ADGRL3: variants seen among roughly 807,000 people sequenced by gnomAD.
ADGRL3 encodes the protein adhesion G protein-coupled receptor L3.
A neutral mutation model predicts 153.5 loss-of-function variants in ADGRL3; 62 were observed. The ratio of observed to expected loss-of-function variants is 0.40; its 90% confidence interval spans 0.33 to 0.50. ADGRL3 has a LOEUF of 0.50. Ranked by LOEUF, ADGRL3 falls within the 20% of genes least tolerant of loss-of-function variation. The pLI is 0.47. For missense variants in ADGRL3, 1,641 were observed against 1,859.4 expected, an observed-to-expected ratio of 0.88 and a Z score of 2.16; for synonymous variants, 710 against 672.5, an observed-to-expected ratio of 1.06 and a Z score of -0.86.
chr4:61,690,435 AT>A (rs199860912), intron 6 of ADGRL3, among the ~76,000 whole-genome samples: 159 of 146,866 alleles, frequency 1.1e-3, no homozygotes, highest in South Asian at 2.1e-3. Context: ...ACCCTGTCTC[AT>A]TTTTTTTTTT....
chr4:61,470,846 C>T (rs533046435), intron 2 of ADGRL3, among the ~76,000 whole-genome samples: 11 of 151,538 alleles, frequency 7.3e-5, no homozygotes, highest in South Asian at 6.2e-4. Flanking sequence ...ATTTACCACC[C>T]GAAGGAATTT....
intron 2 of ADGRL3, among the ~76,000 whole-genome samples, chr4:61,411,676 G>A (rs1424402153): frequency 6.6e-6 from 1 of 151,876 alleles, no homozygotes; most frequent in Admixed American, 6.6e-5. Flanking sequence ...AAAATTACCA[G>A]TTCTCTTAAC....
At chr4:61,913,493 T>C (rs916848631) in intron 13 of ADGRL3, among the ~76,000 whole-genome samples, 2 of 152,146 alleles carry the variant, frequency 1.3e-5, no homozygotes, top group African/African-American at 2.4e-5. Flanking sequence ...TGTATACATT[T>C]CACAGCATTT....
chr4:61,775,886 T>TA (rs1394101868), intron 8 of ADGRL3: 4 of 237,632 alleles, frequency 1.7e-5, no homozygotes, highest in African/African-American at 7.3e-5. Flanking sequence ...ATCTTGTTTT[T>TA]ATTTATTTAT....
rs187721202 is a variant in ADGRL3, at chr4:61,408,975, G to C, written c.-174+25786G>C. ...GGCTTTAAAGTTTTATGCAGTCTCT[G>C]CATTAATTTTGTATTCCTGACCCTT... On this transcript the variant is annotated intron_variant, in intron 2 of 26. Coordinates refer to ENST00000683033, the MANE Select transcript of ADGRL3 (RefSeq NM_001387552.1). 5.9e-5 allele frequency among the ~76,000 whole-genome samples: 9 copies of C among 151,580 alleles called. No individual in the cohort carries two copies. The Admixed American group carries it at 5.9e-4, about 10-fold the overall frequency.
chr4:62,037,921 T>A (rs574699060), intron 24 of ADGRL3, 65 bp downstream of exon 24: 1 of 1,573,692 alleles, frequency 6.4e-7, no homozygotes, highest in Non-Finnish European at 8.7e-7. Flanking sequence ...TCCCTTATGA[T>A]TGGAGCTAAT....
chr4:61,734,200 T>A (rs1006151597), intron 8 of ADGRL3, among the ~76,000 whole-genome samples: 6 of 152,224 alleles, frequency 3.9e-5, no homozygotes, highest in Non-Finnish European at 8.8e-5. Context: ...ATTGAAAACA[T>A]ACCATTTCCT....
chr4:61,511,536 A>G (rs777155474), intron 3 of ADGRL3, among the ~76,000 whole-genome samples: 1 of 152,174 alleles, frequency 6.6e-6, no homozygotes, highest in Non-Finnish European at 1.5e-5. Flanking sequence ...TTCTTTTCTT[A>G]TTTGAATGAC....
intron 2 of ADGRL3, among the ~76,000 whole-genome samples, chr4:61,423,330 G>C (rs2097232617): frequency 6.6e-6 from 1 of 152,156 alleles, no homozygotes. Flanking sequence ...ACAAATAGAA[G>C]CAGCCCTTGG....
chr4:61,773,994 C>A (rs77285144), intron 8 of ADGRL3, among the ~76,000 whole-genome samples: 1 of 152,038 alleles, frequency 6.6e-6, no homozygotes, highest in Admixed American at 6.6e-5. Context: ...TTTTGCTATC[C>A]GCAGTTTCAG....
chr4:61,681,406 A>G (rs748481495), intron 6 of ADGRL3, among the ~76,000 whole-genome samples: 1 of 152,088 alleles, frequency 6.6e-6, no homozygotes. Flanking sequence ...TTTCAGAACA[A>G]TAAAGCATAT....
At chr4:61,896,141 A>C (rs2098630101) in intron 11 of ADGRL3, among the ~76,000 whole-genome samples, 1 of 152,166 alleles carries the variant, frequency 6.6e-6, no homozygotes, top group Non-Finnish European at 1.5e-5. Flanking sequence ...AGTTTCTAGC[A>C]TGTATACTTA....
intron 5 of ADGRL3, among the ~76,000 whole-genome samples, chr4:61,606,966 C>A (rs2149610529): frequency 6.6e-6 from 1 of 152,054 alleles, no homozygotes. Flanking sequence ...TTCTTCCTAC[C>A]CTCTACACAG....
intron 8 of ADGRL3, among the ~76,000 whole-genome samples, chr4:61,812,265 A>G (rs561968802): frequency 6.8e-4 from 103 of 152,302 alleles, no homozygotes; most frequent in Admixed American, 3.0e-3. Flanking sequence ...ATTCTTAGTT[A>G]CCATTATGAG....
intron 8 of ADGRL3, among the ~76,000 whole-genome samples, chr4:61,762,256 A>G (rs6850929): frequency 0.087 from 13,260 of 152,238 alleles, 1,231 homozygotes; most frequent in African/African-American, 0.23. Context: ...AAAATTTTTG[A>G]AACATTTATA....
intron 8 of ADGRL3, among the ~76,000 whole-genome samples, chr4:61,755,923 T>C (rs1311033514): frequency 5.9e-5 from 9 of 152,170 alleles, no homozygotes; most frequent in Admixed American, 3.3e-4. Flanking sequence ...AGAGATCAGA[T>C]GGTTGTAGAT....
chr4:62,062,167 T>C (rs1740578662), intron 25 of ADGRL3, among the ~76,000 whole-genome samples: 1 of 152,048 alleles, frequency 6.6e-6, no homozygotes, highest in South Asian at 2.1e-4. Flanking sequence ...TAATGTCTCA[T>C]TGGGGTTTTA....
At chr4:61,276,779 A>G (rs2093480042) in intron 1 of ADGRL3, among the ~76,000 whole-genome samples, 1 of 152,088 alleles carries the variant, frequency 6.6e-6, no homozygotes, top group Admixed American at 6.6e-5. Flanking sequence ...TTTATTTTTT[A>G]TAAAAAAAAT....
intron 6 of ADGRL3, among the ~76,000 whole-genome samples, chr4:61,682,652 C>T (rs1466458786): frequency 1.3e-5 from 2 of 151,032 alleles, no homozygotes; most frequent in Non-Finnish European, 2.9e-5. Context: ...GCAATCTTCC[C>T]GCCTAGGCCT....
Sources: gnomAD v4.1 joint callset for allele counts (sites outside exome capture counted in the v4.1 genomes callset) on GRCh38, gnomAD v4.1.1 for gene constraint, MANE v1.5 for transcripts, NCBI Gene and HGNC (gene_info 2026-07-23, HGNC 2026-07-21) for gene names.